WDR88: variants seen among roughly 807,000 people sequenced by gnomAD.
WDR88 encodes WD repeat-containing protein 88.
Under a neutral mutation model 46.8 loss-of-function variants are expected in WDR88, and 40 were observed. The observed-to-expected ratio is 0.86, with a 90% confidence interval of 0.66 to 1.11. WDR88 has a LOEUF of 1.11. WDR88 is among the 50% of genes most tolerant of loss of function. The probability of loss-of-function intolerance (pLI) is 0.00; values close to 1 mark genes in which losing one functional copy is unlikely to be tolerated. For synonymous variants in WDR88, 235 were observed against 240.7 expected (o/e 0.98, Z 0.22); for missense variants, 562 against 602.4 (o/e 0.93, Z 0.70).
intron 3 of WDR88, among the ~76,000 whole-genome samples, chr19:33,147,108 G>T (rs566719973): frequency 6.6e-6 from 1 of 151,442 alleles, no homozygotes; most frequent in African/African-American, 2.4e-5. Context: ...ATGATGATGA[G>T]TGCCCATAGT....
At position 33,172,573 on chromosome 19, in the gene WDR88, GGGA is replaced by G; in HGVS notation, c.1242+135_1242+137del. On this transcript the variant is annotated intron_variant, in intron 10 of 10. Transcript: ENST00000355868. ...AAACAGACTGACATTTTTGCCCCAG[GGGA>G]GCTTAAATTCTAAGAGAGGAAACAA... 5.7e-6 allele frequency: 4 copies of G among 699,698 alleles called. 1 individual carries two copies. Among genetic ancestry groups the G allele is most frequent in the Non-Finnish European group, 9.5e-6 (4 of 418,882 alleles). The allele number at this position is 699,698 out of a possible 1,614,324, so 43.3% of individuals were successfully genotyped here.
At chr19:33,138,424 T>A (rs187446604) in intron 2 of WDR88, among the ~76,000 whole-genome samples, 7 of 152,172 alleles carry the variant, frequency 4.6e-5, no homozygotes, top group Non-Finnish European at 1.0e-4. Flanking sequence ...CTCAGTTCAC[T>A]GCAACCTCTG....
intron 8 of WDR88, 108 bp downstream of exon 8, chr19:33,160,604 G>A: frequency 1.8e-6 from 2 of 1,135,522 alleles, no homozygotes; most frequent in Admixed American, 2.1e-5. Flanking sequence ...AGGCCTTGAT[G>A]CCTCTGTGGG....
chr19:33,172,830 C>T (rs1568373238), intron 10 of WDR88, among the ~76,000 whole-genome samples: 1 of 151,950 alleles, frequency 6.6e-6, no homozygotes. Flanking sequence ...TGTTTCACGC[C>T]TGTAATCCCA....
intron 1 of WDR88, among the ~76,000 whole-genome samples, chr19:33,133,236 G>GAA (rs1415200952): frequency 1.1e-4 from 16 of 146,404 alleles, no homozygotes; most frequent in African/African-American, 4.1e-4. Context: ...AAAAGAAAAA[G>GAA]AAAGAAAGAA....
At chr19:33,171,044 G>A (rs945151077) in intron 9 of WDR88, among the ~76,000 whole-genome samples, 1 of 152,076 alleles carries the variant, frequency 6.6e-6, no homozygotes, top group Non-Finnish European at 1.5e-5. Context: ...GGAGTGCAAT[G>A]GTGCGATCTC....
chr19:33,157,683 GTA>G (rs1308682582), intron 7 of WDR88, among the ~76,000 whole-genome samples: 726 of 6,434 alleles, frequency 0.11, 26 homozygotes, highest in African/African-American at 0.32. Context: ...GTGTGTGTAT[GTA>G]TGTATATATA....
chr19:33,157,847 G>A (rs1005002626), intron 7 of WDR88, among the ~76,000 whole-genome samples: 5 of 151,062 alleles, frequency 3.3e-5, no homozygotes, highest in South Asian at 4.2e-4. Context: ...ACAAGTCCCA[G>A]GGAAGACTCC....
chr19:33,138,618 A>G (rs1165293587), intron 2 of WDR88, among the ~76,000 whole-genome samples: 2 of 149,992 alleles, frequency 1.3e-5, no homozygotes, highest in Non-Finnish European at 3.0e-5. Flanking sequence ...AAGTGCAGGG[A>G]TGATAGGTGT....
chr19:33,140,797 A>T (rs1207298835), intron 2 of WDR88, among the ~76,000 whole-genome samples: 1 of 152,086 alleles, frequency 6.6e-6, no homozygotes, highest in Non-Finnish European at 1.5e-5. Context: ...CTCAAAAAAA[A>T]AAAGAAAAGA....
At chr19:33,148,128 G>T (rs548467540) in intron 4 of WDR88, among the ~76,000 whole-genome samples, 1 of 152,064 alleles carries the variant, frequency 6.6e-6, no homozygotes, top group African/African-American at 2.4e-5. Context: ...CAAGAACCAG[G>T]GTTCTGGCCC....
intron 7 of WDR88, among the ~76,000 whole-genome samples, chr19:33,157,593 GTGTATATATGTATATA>G (rs1973768031): frequency 7.0e-6 from 1 of 142,422 alleles, no homozygotes. Flanking sequence ...ATGTATATAT[GTGTATATATGTATATA>G]TATGTGTATA....
chr19:33,134,840 A>ACCCCCCCCCCCCCCCCCCC (rs766617576), intron 1 of WDR88, among the ~76,000 whole-genome samples: 54 of 62,414 alleles, frequency 8.7e-4, no homozygotes, highest in Non-Finnish European at 9.1e-4. Flanking sequence ...CGTCCCCGAC[A>ACCCCCCCCCCCCCCCCCCC]CCCCCCCCCC....
At chr19:33,173,148 A>T (rs747478309) in intron 10 of WDR88, among the ~76,000 whole-genome samples, 1 of 106,324 alleles carries the variant, frequency 9.4e-6, no homozygotes, top group Non-Finnish European at 1.8e-5. Context: ...AGCATAGAGA[A>T]CAGCCAATGC....
At chr19:33,154,047 A>G (rs1418970870) in intron 6 of WDR88, among the ~76,000 whole-genome samples, 1 of 152,126 alleles carries the variant, frequency 6.6e-6, no homozygotes, top group Non-Finnish European at 1.5e-5. Flanking sequence ...AGTTGACTCC[A>G]TCTTGTCCAG....
rs187996358 is a variant in WDR88, at chr19:33,154,002, G to C, written c.810-2353G>C. ...AGGTTTATATATTTTGCCAAATTTG[G>C]TAAAATTTCAGCCATTTAAAAAAAT... On this transcript the variant is annotated intron_variant, in intron 6 of 10. Coordinates refer to ENST00000355868, the MANE Select transcript of WDR88 (RefSeq NM_173479.4). Among the ~76,000 whole-genome samples the C allele has an allele frequency of 8.5e-3, 1,294 of 152,084 alleles. 9 individuals are homozygous for C. Among genetic ancestry groups the C allele is most frequent in the Non-Finnish European group, 0.015 (998 of 67,984 alleles).
At chr19:33,147,059 GAAA>G (rs751356097) in intron 3 of WDR88, among the ~76,000 whole-genome samples, 2 of 130,470 alleles carry the variant, frequency 1.5e-5, no homozygotes, top group Non-Finnish European at 3.3e-5. Context: ...TGTCTCTAAG[GAAA>G]AAAAAAAAAA....
At chr19:33,168,490 C>T (rs1383248406) in intron 9 of WDR88, among the ~76,000 whole-genome samples, 1 of 152,148 alleles carries the variant, frequency 6.6e-6, no homozygotes, top group Non-Finnish European at 1.5e-5. Flanking sequence ...AATGAACACT[C>T]TGAAAAGGAA....
chr19:33,134,838 A>AC (rs1194028560), intron 1 of WDR88, among the ~76,000 whole-genome samples: 82 of 62,356 alleles, frequency 1.3e-3, no homozygotes, highest in Middle Eastern at 6.2e-3. Flanking sequence ...CACGTCCCCG[A>AC]CACCCCCCCC....
Sources: gnomAD v4.1 joint callset for allele counts (sites outside exome capture counted in the v4.1 genomes callset) on GRCh38, gnomAD v4.1.1 for gene constraint, MANE v1.5 for transcripts, NCBI Gene and HGNC (gene_info 2026-07-23, HGNC 2026-07-21) for gene names.